The following PCGF5 variants were observed in gnomAD, a reference collection of about 807,000 sequenced individuals.
PCGF5 encodes the protein polycomb group ring finger 5.
A neutral mutation model predicts 44.3 loss-of-function variants in PCGF5; 9 were observed. The ratio of observed to expected loss-of-function variants is 0.20; its 90% confidence interval spans 0.12 to 0.35. The LOEUF (loss-of-function observed/expected upper bound fraction) is 0.35. Ranked by LOEUF, PCGF5 falls within the 10% of genes least tolerant of loss-of-function variation. The pLI, the probability that PCGF5 is intolerant of heterozygous loss-of-function variation, is 1.00. For missense variants in PCGF5, 146 were observed against 305.3 expected (o/e 0.48, Z 3.89); for synonymous variants, 95 against 102.5 (o/e 0.93, Z 0.44).
intron 7 of PCGF5, among the ~76,000 whole-genome samples, chr10:91,262,170 A>T (rs980194425): frequency 1.3e-5 from 2 of 152,204 alleles, no homozygotes; most frequent in African/African-American, 4.8e-5. Context: ...TATGCCTGTA[A>T]TCCCAGCACT....
chr10:91,212,627 A>C (rs946197940), intron 1 of PCGF5, among the ~76,000 whole-genome samples: 2 of 152,236 alleles, frequency 1.3e-5, no homozygotes, highest in African/African-American at 4.8e-5. Flanking sequence ...ATAACTATGA[A>C]TATCCCTAGA....
rs564964252 is a variant in PCGF5 at position 91,278,434 on chromosome 10, T to C, written c.*118T>C. The stretch of plus-strand genomic sequence containing the variant: ...CACAACCAGATTTTCAGCATGCAAA[T>C]AAGGCCATTGTCTATCTCTAAATTG... On this transcript the variant is annotated 3_prime_UTR_variant, in exon 10 of 10. Coordinates refer to ENST00000336126, the MANE Select transcript of PCGF5 (RefSeq NM_032373.5). 56 of 883,822 alleles carry C rather than the reference T, an allele frequency of 6.3e-5. No homozygotes were observed. The South Asian group carries it at 8.2e-4, about 13-fold the overall frequency. 54.7% of individuals were successfully genotyped at this position (883,822 alleles called of 1,614,324 possible). A position where few individuals can be genotyped will look rare whatever the true frequency, so the allele number is the denominator to read the frequency against.
At chr10:91,266,020 T>G (rs914737004) in intron 8 of PCGF5, among the ~76,000 whole-genome samples, 3 of 152,198 alleles carry the variant, frequency 2.0e-5, no homozygotes, top group Admixed American at 1.3e-4. Context: ...TTTAAATGAT[T>G]GTACATACAT....
At chr10:91,248,212 A>G (rs1208492950) in intron 3 of PCGF5, among the ~76,000 whole-genome samples, 1 of 152,130 alleles carries the variant, frequency 6.6e-6, no homozygotes, top group Non-Finnish European at 1.5e-5. Context: ...GCCAGACCGT[A>G]TTTCCAAGGC....
intron 3 of PCGF5, among the ~76,000 whole-genome samples, chr10:91,246,690 G>A (rs1201515591): frequency 6.6e-6 from 1 of 152,094 alleles, no homozygotes; most frequent in African/African-American, 2.4e-5. Flanking sequence ...GGCTTGGTGA[G>A]TAAATGTGTA....
intron 6 of PCGF5, among the ~76,000 whole-genome samples, chr10:91,257,585 A>G (rs1387957497): frequency 6.6e-6 from 1 of 152,092 alleles, no homozygotes; most frequent in Non-Finnish European, 1.5e-5. Context: ...ACTAATGGAC[A>G]GGTGGCCTAT....
intron 6 of PCGF5, among the ~76,000 whole-genome samples, chr10:91,252,658 G>T (rs575328804): frequency 2.2e-4 from 33 of 152,038 alleles, no homozygotes; most frequent in Admixed American, 1.0e-3. Context: ...GTTTCTTATG[G>T]TCTTTCCCAA....
chr10:91,196,219 T>C (rs1236520948), intron 1 of PCGF5, among the ~76,000 whole-genome samples: 1 of 152,172 alleles, frequency 6.6e-6, no homozygotes, highest in Non-Finnish European at 1.5e-5. Context: ...AGGGCTAGAA[T>C]GTCAGTGCCA....
intron 2 of PCGF5, among the ~76,000 whole-genome samples, chr10:91,229,054 G>A (rs1218503426): frequency 6.6e-6 from 1 of 152,216 alleles, no homozygotes; most frequent in Non-Finnish European, 1.5e-5. Context: ...ATAAAGGAAT[G>A]AAATATTAGC....
intron 1 of PCGF5, among the ~76,000 whole-genome samples, chr10:91,206,628 G>A (rs1027980051): frequency 4.6e-5 from 7 of 152,194 alleles, no homozygotes; most frequent in African/African-American, 1.7e-4. Flanking sequence ...CACTGGGTAG[G>A]TAGAAATGGT....
intron 1 of PCGF5, 120 bp from the exon 2 acceptor site, chr10:91,222,569 T>G: frequency 2.2e-6 from 1 of 461,824 alleles, no homozygotes; most frequent in South Asian, 6.1e-5. Flanking sequence ...GGATATGTTC[T>G]ATTCACCTAT....
At chr10:91,211,109 T>G (rs1353510929) in intron 1 of PCGF5, among the ~76,000 whole-genome samples, 1 of 152,200 alleles carries the variant, frequency 6.6e-6, no homozygotes, top group African/African-American at 2.4e-5. Flanking sequence ...CTTATCAGCT[T>G]TTTGCAAGCA....
chr10:91,185,591 G>GT (rs1843907903), intron 1 of PCGF5, among the ~76,000 whole-genome samples: 1 of 152,236 alleles, frequency 6.6e-6, no homozygotes, highest in Admixed American at 6.5e-5. Flanking sequence ...CTGAGTTGTA[G>GT]TTACTTTTGC....
rs1846379054 is a variant in PCGF5, at chr10:91,278,810, T to C, written c.*494T>C. ...AAGTGGTTTTTGAGCCACTGTCTTG[T>C]TCTTGATAAGCTTTTTGTGTGAAAA... On this transcript the variant is annotated 3_prime_UTR_variant, in exon 10 of 10. Coordinates refer to ENST00000336126, the MANE Select transcript of PCGF5 (RefSeq NM_032373.5). 1 of 154,114 alleles carries C rather than the reference T, an allele frequency of 6.5e-6. No individual in the cohort carries two copies. Among genetic ancestry groups the C allele is most frequent in the Admixed American group, 6.5e-5 (1 of 15,496 alleles). 9.5% of individuals were successfully genotyped at this position (154,114 alleles called of 1,614,324 possible).
chr10:91,228,383 G>GA (rs199568971), intron 2 of PCGF5, among the ~76,000 whole-genome samples: 126 of 150,162 alleles, frequency 8.4e-4, no homozygotes, highest in Middle Eastern at 3.4e-3. Flanking sequence ...TCTTTCCTCA[G>GA]AAAAAAAAAG....
intron 1 of PCGF5, among the ~76,000 whole-genome samples, chr10:91,163,948 T>A (rs1042313156): frequency 6.6e-6 from 1 of 152,240 alleles, no homozygotes; most frequent in Non-Finnish European, 1.5e-5. Context: ...CTCCTGGGTC[T>A]ACAGGTTTCT....
In PCGF5 at chr10:91,175,978, G is replaced by A. The variant is rs566654495; in HGVS notation, c.-184+12897G>A. The stretch of plus-strand genomic sequence containing the variant: ...ATGATGTTAGCTGGTTATTTTGCTC[G>A]TTAGTTGATGCAGTTTCTTCCTAGC... On this transcript the variant is annotated intron_variant, in intron 1 of 9. Coordinates refer to the PCGF5 transcript ENST00000614189. Among the ~76,000 whole-genome samples, 207 of 152,226 alleles carry A rather than the reference G, an allele frequency of 1.4e-3. 1 individual carries two copies. The highest frequency in any genetic ancestry group is 4.1e-3 in the African/African-American group (171 of 41,528).
At chr10:91,249,389 A>G (rs1442988299) in intron 5 of PCGF5, among the ~76,000 whole-genome samples, 17 of 42,786 alleles carry the variant, frequency 4.0e-4, no homozygotes, top group East Asian at 2.9e-3. Flanking sequence ...ATATATATAT[A>G]TATATATATA....
chr10:91,269,934 C>T (rs569014669), intron 8 of PCGF5, among the ~76,000 whole-genome samples: 2 of 152,056 alleles, frequency 1.3e-5, no homozygotes, highest in African/African-American at 2.4e-5. Context: ...CAATTGTGTC[C>T]TGCTTCCTAG....
Sources: gnomAD v4.1 joint callset for allele counts (sites outside exome capture counted in the v4.1 genomes callset) on GRCh38, gnomAD v4.1.1 for gene constraint, MANE v1.5 for transcripts, NCBI Gene and HGNC (gene_info 2026-07-23, HGNC 2026-07-21) for gene names.